SNX29: variants seen among roughly 807,000 people sequenced by gnomAD.
The protein encoded by SNX29 is sorting nexin-29.
SNX29 carries 78 observed loss-of-function variants against 102.1 expected under a neutral mutation model. That is an observed-to-expected ratio of 0.76 (90% CI 0.64 to 0.92). The LOEUF (loss-of-function observed/expected upper bound fraction) is 0.92, where lower values mean the gene tolerates loss of function less well. Among genes scored for constraint, SNX29 ranks in the 40% least tolerant of loss-of-function variants. The pLI, the probability that SNX29 is intolerant of heterozygous loss-of-function variation, is 0.00. For missense variants in SNX29, 1,280 were observed against 1,061.7 expected, an observed-to-expected ratio of 1.21 and a Z score of -2.86; for synonymous variants, 580 against 414.5, an observed-to-expected ratio of 1.40 and a Z score of -4.85.
At chr16:12,136,776 G>T (rs2054679299) in intron 13 of SNX29, among the ~76,000 whole-genome samples, 1 of 152,138 alleles carries the variant, frequency 6.6e-6, no homozygotes, top group South Asian at 2.1e-4. Context: ...GTCTCGCTCT[G>T]TCACCCAGGC....
intron 15 of SNX29, among the ~76,000 whole-genome samples, chr16:12,293,801 T>C (rs575725748): frequency 6.6e-6 from 1 of 152,374 alleles, no homozygotes; most frequent in South Asian, 2.1e-4. Flanking sequence ...AAGCTGCAGA[T>C]ATCTTTCTCA....
At chr16:12,299,240 C>T (rs1376118266) in intron 15 of SNX29, among the ~76,000 whole-genome samples, 1 of 151,894 alleles carries the variant, frequency 6.6e-6, no homozygotes, top group Non-Finnish European at 1.5e-5. Context: ...ACGGAGGTTG[C>T]AGTGAGCTGA....
chr16:12,558,523 G>A (rs1485060146), intron 20 of SNX29, among the ~76,000 whole-genome samples: 1 of 152,218 alleles, frequency 6.6e-6, no homozygotes, highest in Non-Finnish European at 1.5e-5. Flanking sequence ...GTTTACCCCA[G>A]GGATGCACAC....
At chr16:12,564,637 C>T (rs1013757118) in intron 20 of SNX29, among the ~76,000 whole-genome samples, 2 of 152,122 alleles carry the variant, frequency 1.3e-5, no homozygotes, top group African/African-American at 4.8e-5. Context: ...TAACAGAGTC[C>T]CTGCTGGGGA....
intron 19 of SNX29, among the ~76,000 whole-genome samples, chr16:12,523,418 C>G (rs1168453831): frequency 6.6e-6 from 1 of 152,230 alleles, no homozygotes; most frequent in African/African-American, 2.4e-5. Flanking sequence ...CTTGCTTGGT[C>G]TTCGGTCCAG....
At chr16:12,308,841 G>A (rs569767360) in intron 15 of SNX29, among the ~76,000 whole-genome samples, 94 of 152,294 alleles carry the variant, frequency 6.2e-4, no homozygotes, top group Non-Finnish European at 1.0e-3. Flanking sequence ...AGTCCCGGTG[G>A]CTGCAAGTGT....
chr16:12,440,227 AAG>A lies in SNX29; in HGVS notation c.2037+36702_2037+36703del, dbSNP rs1225438536. 1.2e-4 allele frequency among the ~76,000 whole-genome samples: 19 copies of A among 152,302 alleles called. No homozygotes were observed. In the South Asian group the frequency reaches 1.9e-3, roughly 15 times the overall value. ...TCTCCTGTCCTTAAAAACAAAAGAA[AAG>A]AGATATTCACAAACCATAAAACTCA... is the stretch of plus-strand genomic sequence containing the variant. On this transcript the variant is annotated intron_variant, in intron 18 of 20. Transcript: ENST00000566228.
chr16:12,485,545 T>C (rs2088187857), intron 19 of SNX29, among the ~76,000 whole-genome samples: 1 of 152,048 alleles, frequency 6.6e-6, no homozygotes. Flanking sequence ...CGCCGAGCCG[T>C]GGGAAGCCCC....
intron 20 of SNX29, among the ~76,000 whole-genome samples, chr16:12,531,253 C>G (rs1398898317): frequency 2.0e-5 from 3 of 152,220 alleles, no homozygotes; most frequent in African/African-American, 7.2e-5. Context: ...GCACTTGGCC[C>G]TATGGTCAGG....
chr16:12,441,787 CT>C (rs1283969649), intron 18 of SNX29, among the ~76,000 whole-genome samples: 3 of 152,080 alleles, frequency 2.0e-5, no homozygotes, highest in Non-Finnish European at 2.9e-5. Flanking sequence ...TCCATTTTGA[CT>C]TTTGTTTTGT....
Position 12,129,626 on chromosome 16 carries a change from C to T in SNX29, c.1467-4C>T. On this transcript the variant is annotated splice_polypyrimidine_tract_variant and splice_region_variant and intron_variant, in intron 12 of 20. Transcript: ENST00000566228. ...TCTGAACAGATGGGTCCCTCTCTTC[C>T]CAGATCACTGCGAAACCTGCTCGAC... The T allele has an allele frequency of 6.2e-7, 1 of 1,608,152 alleles. No homozygotes were observed. Among genetic ancestry groups the T allele is most frequent in the South Asian group, 1.1e-5 (1 of 90,190 alleles).
chr16:12,125,206 C>G (rs2054152950), intron 11 of SNX29, among the ~76,000 whole-genome samples: 1 of 152,184 alleles, frequency 6.6e-6, no homozygotes, highest in Non-Finnish European at 1.5e-5. Context: ...AATGTGTGTT[C>G]AGGTTCAAGC....
intron 19 of SNX29, among the ~76,000 whole-genome samples, chr16:12,478,989 C>T (rs565530012): frequency 2.4e-4 from 37 of 152,318 alleles, no homozygotes; most frequent in African/African-American, 8.9e-4. Context: ...CATGACCTTT[C>T]TCAGGATGTG....
At chr16:12,557,529 T>C (rs778933645) in intron 20 of SNX29, 8 of 149,788 alleles carry the variant, frequency 5.3e-5, no homozygotes, top group Non-Finnish European at 8.8e-5. Flanking sequence ...TCCCAACTAA[T>C]TTTTGCATTT....
At chr16:12,055,876 C>T (rs748310664) in intron 8 of SNX29, among the ~76,000 whole-genome samples, 13 of 152,288 alleles carry the variant, frequency 8.5e-5, no homozygotes, top group Admixed American at 2.0e-4. Context: ...TTAACCCTCA[C>T]AAGTGCCTTT....
chr16:12,484,642 C>T lies in SNX29; in HGVS notation c.2178+6783C>T, dbSNP rs530613076. ...TAAGACATCTACACTGATCTCACCT[C>T]GGGGCCTTTGCACCTGTCACACCCT... On this transcript the variant is annotated intron_variant, in intron 19 of 20. Coordinates refer to ENST00000566228, the MANE Select transcript of SNX29 (RefSeq NM_032167.5). 6.6e-5 allele frequency among the ~76,000 whole-genome samples: 10 copies of T among 152,168 alleles called. No individual in the cohort carries two copies. The South Asian group carries it at 8.3e-4, about 13-fold the overall frequency.
intron 18 of SNX29, among the ~76,000 whole-genome samples, chr16:12,449,469 C>A (rs906879868): frequency 6.6e-6 from 1 of 152,070 alleles, no homozygotes; most frequent in Non-Finnish European, 1.5e-5. Context: ...TATTTGGCAT[C>A]TTAACTCACA....
At chr16:12,009,974 G>T (rs1402874301) in intron 3 of SNX29, among the ~76,000 whole-genome samples, 1 of 152,214 alleles carries the variant, frequency 6.6e-6, no homozygotes, top group Non-Finnish European at 1.5e-5. Context: ...CGGGGGCAGT[G>T]GAATCAGCAT....
intron 4 of SNX29, among the ~76,000 whole-genome samples, chr16:12,040,094 T>C (rs1262213902): frequency 6.6e-6 from 1 of 152,222 alleles, no homozygotes; most frequent in Non-Finnish European, 1.5e-5. Context: ...TTGGGCATGG[T>C]GGCTCCCGAC....
Sources: gnomAD v4.1 joint callset for allele counts (sites outside exome capture counted in the v4.1 genomes callset) on GRCh38, gnomAD v4.1.1 for gene constraint, MANE v1.5 for transcripts, NCBI Gene and HGNC (gene_info 2026-07-23, HGNC 2026-07-21) for gene names.